Variants in NHEJ1 observed in about 807,000 individuals in gnomAD.
NHEJ1 encodes non-homologous end-joining factor 1.
Under a neutral mutation model 39.4 loss-of-function variants are expected in NHEJ1, and 22 were observed. That is an observed-to-expected ratio of 0.56 (90% CI 0.40 to 0.80). The LOEUF (loss-of-function observed/expected upper bound fraction) is 0.80. Among genes scored for constraint, NHEJ1 ranks in the 30% least tolerant of loss-of-function variants. The pLI is 0.00. For missense variants in NHEJ1, 329 were observed against 357.1 expected (o/e 0.92, Z 0.63); for synonymous variants, 154 against 135.6 (o/e 1.14, Z -0.94).
Position 219,074,048 on chromosome 2 carries a change from G to C in NHEJ1, c.*2333C>G, listed in dbSNP as rs141333605. Among the ~76,000 whole-genome samples, 381 of 152,338 alleles carry C rather than the reference G, an allele frequency of 2.5e-3. 1 individual carries two copies. The highest frequency in any genetic ancestry group is 4.1e-3 in the Non-Finnish European group (281 of 68,028). On this transcript the variant is annotated 3_prime_UTR_variant, in exon 8 of 8. Coordinates refer to ENST00000356853, the MANE Select transcript of NHEJ1 (RefSeq NM_024782.3). ...CACTACCCCTAGCTTTGCGGGGTAA[G>C]GGCTTCGGGGCAAGAATGCCTGTGG...
At position 219,073,544 on chromosome 2, in the gene NHEJ1, C is replaced by T. The variant is rs1948984154; in HGVS notation, c.*2837G>A. 6.6e-6 allele frequency among the ~76,000 whole-genome samples: 1 copy of T among 152,166 alleles called. No homozygotes were observed. Reference sequence around the variant, plus strand: ...CCTGTCCTAGCTAACTATGGGGGACCAGCCGGCAAGGCCAAGTAGGCCTTG... The same window carrying T: ...CCTGTCCTAGCTAACTATGGGGGACTAGCCGGCAAGGCCAAGTAGGCCTTG... On this transcript the variant is annotated 3_prime_UTR_variant, in exon 8 of 8. Coordinates refer to ENST00000356853, the MANE Select transcript of NHEJ1 (RefSeq NM_024782.3).
rs1290695749 is a variant in NHEJ1 at position 219,073,912 on chromosome 2, G to A, written c.*2469C>T. On this transcript the variant is annotated 3_prime_UTR_variant, in exon 8 of 8. Transcript: ENST00000356853. ...GAGTGGGGGTTGGGCCAGGCTGGGG[G>A]CCTCAGGGAGGGGCCCAAGCCAGGG... Among the ~76,000 whole-genome samples the A allele has an allele frequency of 6.6e-6, 1 of 152,256 alleles. No individual in the cohort carries two copies. The highest frequency in any genetic ancestry group is 1.5e-5 in the Non-Finnish European group (1 of 68,042).
At chr2:219,109,132 C>G (rs1949340172) in intron 5 of NHEJ1, among the ~76,000 whole-genome samples, 2 of 152,252 alleles carry the variant, frequency 1.3e-5, no homozygotes, top group South Asian at 4.2e-4. Context: ...AACAACAAGC[C>G]CCCAACCCTC....
At chr2:219,131,084 T>G (rs1255768592) in intron 5 of NHEJ1, among the ~76,000 whole-genome samples, 1 of 152,040 alleles carries the variant, frequency 6.6e-6, no homozygotes, top group Non-Finnish European at 1.5e-5. Context: ...AGAGCGAGAC[T>G]CTGTCTCAAA....
In NHEJ1 at chr2:219,078,177, A is replaced by G. The variant is rs750200944; in HGVS notation, c.618T>C (p.Asp206=). Residue 206 remains aspartate (D), a synonymous_variant, in exon 6 of 8, where the codon GAT becomes GAC. Transcript: ENST00000356853. ...EKLPEACSIG[D]GKPFVMNLQD... ...GCAGATTCATGACAAAGGGCTTTCC[A>G]TCACCAATGCTGCATGCCTCTGGCA... 2 of 1,614,160 alleles carry G rather than the reference A, an allele frequency of 1.2e-6. No individual in the cohort carries two copies. The highest frequency in any genetic ancestry group is 1.7e-6 in the Non-Finnish European group (2 of 1,180,030).
At chr2:219,132,589 C>A (rs1358177895) in intron 5 of NHEJ1, among the ~76,000 whole-genome samples, 1 of 152,102 alleles carries the variant, frequency 6.6e-6, no homozygotes, top group East Asian at 1.9e-4. Context: ...TTAACAAAAG[C>A]CAAAGAGCTT....
chr2:219,108,826 G>T (rs986881289), intron 5 of NHEJ1, among the ~76,000 whole-genome samples: 1 of 152,038 alleles, frequency 6.6e-6, no homozygotes, highest in Non-Finnish European at 1.5e-5. Flanking sequence ...AAAAAAAAAG[G>T]TTTTTCTAAG....
chr2:219,109,460 C>T (rs58131198), intron 5 of NHEJ1, among the ~76,000 whole-genome samples: 6,550 of 152,260 alleles, frequency 0.043, 475 homozygotes, highest in African/African-American at 0.15. Flanking sequence ...CAGACGGGCA[C>T]CAACGTGAAG....
chr2:219,090,794 A>T (rs1392378048), intron 5 of NHEJ1, among the ~76,000 whole-genome samples: 2 of 152,224 alleles, frequency 1.3e-5, no homozygotes, highest in Non-Finnish European at 2.9e-5. Flanking sequence ...CCTCTGAATT[A>T]CTACTAAGGG....
At chr2:219,151,891 C>G (rs1354386463) in intron 3 of NHEJ1, among the ~76,000 whole-genome samples, 2 of 152,122 alleles carry the variant, frequency 1.3e-5, no homozygotes, top group Non-Finnish European at 2.9e-5. Flanking sequence ...TCACTTGAAC[C>G]TGAGAAGCAG....
chr2:219,157,338 C>A, intron 3 of NHEJ1, 134 bp downstream of exon 3: 2 of 737,466 alleles, frequency 2.7e-6, no homozygotes, highest in South Asian at 1.6e-5. Context: ...TTTTTGCCTT[C>A]TGTTTAGTCA....
intron 1 of NHEJ1, among the ~76,000 whole-genome samples, chr2:219,159,554 TATATATATGC>T (rs763798656): frequency 0.33 from 18,502 of 55,996 alleles, 4,123 homozygotes; most frequent in Middle Eastern, 0.56. Flanking sequence ...TATATATGCA[TATATATATGC>T]ATATATATAT....
At chr2:219,115,701 ACTT>A (rs1385844903) in intron 5 of NHEJ1, among the ~76,000 whole-genome samples, 1 of 151,980 alleles carries the variant, frequency 6.6e-6, no homozygotes, top group East Asian at 1.9e-4. Flanking sequence ...TTCAACCTCA[ACTT>A]CTTTTCATAC....
At chr2:219,145,221 AAAC>A (rs148227268) in intron 5 of NHEJ1, among the ~76,000 whole-genome samples, 30,563 of 151,474 alleles carry the variant, frequency 0.2, 4,141 homozygotes, top group African/African-American at 0.4. Context: ...TTCGTTTCAA[AAAC>A]AACAACAACA....
chr2:219,152,877 A>C (rs1007920504), intron 3 of NHEJ1, among the ~76,000 whole-genome samples: 2 of 151,770 alleles, frequency 1.3e-5, no homozygotes, highest in Non-Finnish European at 2.9e-5. Flanking sequence ...ATCTCAGCTC[A>C]CTGCAACCTC....
chr2:219,084,947 T>G (rs1949098571), intron 5 of NHEJ1, among the ~76,000 whole-genome samples: 1 of 152,244 alleles, frequency 6.6e-6, no homozygotes, highest in African/African-American at 2.4e-5. Flanking sequence ...AAGAGTATTC[T>G]GCACAGCCCA....
chr2:219,127,237 G>A (rs185247084), intron 5 of NHEJ1, among the ~76,000 whole-genome samples: 8 of 152,216 alleles, frequency 5.3e-5, no homozygotes, highest in African/African-American at 1.4e-4. Context: ...AGAACCAGAG[G>A]TTCAGACGTG....
intron 5 of NHEJ1, among the ~76,000 whole-genome samples, chr2:219,103,029 A>AT (rs1949279462): frequency 6.8e-6 from 1 of 147,980 alleles, no homozygotes; most frequent in East Asian, 2.0e-4. Flanking sequence ...AAAAAAAAAA[A>AT]AATTAGCCAG....
chr2:219,086,448 T>C (rs1459962928), intron 5 of NHEJ1, among the ~76,000 whole-genome samples: 1 of 152,236 alleles, frequency 6.6e-6, no homozygotes, highest in Non-Finnish European at 1.5e-5. Context: ...GTCCCTGTTC[T>C]GAGGTCTAGT....
Sources: allele counts gnomAD v4.1 joint callset (sites outside exome capture counted in the v4.1 genomes callset), GRCh38; gene constraint gnomAD v4.1.1; transcripts MANE v1.5; gene names NCBI Gene and HGNC (gene_info 2026-07-23, HGNC 2026-07-21).